PPM1L: variants seen among roughly 807,000 people sequenced by gnomAD.
PPM1L encodes the protein protein phosphatase 1L.
Under a neutral mutation model 31.4 loss-of-function variants are expected in PPM1L, and 13 were observed. That is an observed-to-expected ratio of 0.41 (90% CI 0.27 to 0.66). The LOEUF is 0.66. Among genes scored for constraint, PPM1L ranks in the 30% least tolerant of loss-of-function variants. PPM1L has a pLI of 0.29. For synonymous variants in PPM1L, 184 were observed against 175.4 expected, an observed-to-expected ratio of 1.05 and a Z score of -0.39; for missense variants, 326 against 453.7, an observed-to-expected ratio of 0.72 and a Z score of 2.56.
intron 1 of PPM1L, among the ~76,000 whole-genome samples, chr3:160,764,224 T>G (rs2108056601): frequency 6.6e-6 from 1 of 152,284 alleles, no homozygotes; most frequent in African/African-American, 2.4e-5. Flanking sequence ...CACAAACTCC[T>G]GGGCTCAGAT....
intron 1 of PPM1L, among the ~76,000 whole-genome samples, chr3:160,918,849 G>C (rs1714284001): frequency 6.6e-6 from 1 of 152,078 alleles, no homozygotes; most frequent in Non-Finnish European, 1.5e-5. Flanking sequence ...TGACAAGTTT[G>C]CTAATGATAA....
At chr3:160,795,729 C>T (rs891254633) in intron 1 of PPM1L, among the ~76,000 whole-genome samples, 5 of 152,148 alleles carry the variant, frequency 3.3e-5, no homozygotes, top group Non-Finnish European at 7.4e-5. Context: ...CATATTTACA[C>T]GTTAAGTACA....
At chr3:160,867,108 G>A (rs1312174764) in intron 1 of PPM1L, among the ~76,000 whole-genome samples, 2 of 152,080 alleles carry the variant, frequency 1.3e-5, no homozygotes, top group Non-Finnish European at 2.9e-5. Context: ...CCAAAGTGCT[G>A]GGAGCCTGTA....
At chr3:160,851,937 C>G (rs116331518) in intron 1 of PPM1L, among the ~76,000 whole-genome samples, 20 of 152,276 alleles carry the variant, frequency 1.3e-4, no homozygotes, top group African/African-American at 4.6e-4. Context: ...TTTTTGACGT[C>G]CTGTCGATTT....
chr3:161,063,601 G>T (rs982949137), intron 2 of PPM1L, among the ~76,000 whole-genome samples: 1 of 152,058 alleles, frequency 6.6e-6, no homozygotes, highest in Non-Finnish European at 1.5e-5. Context: ...CATTGTGGAA[G>T]ACAGTGTGGC....
intron 1 of PPM1L, among the ~76,000 whole-genome samples, chr3:160,907,658 G>A (rs767106160): frequency 6.6e-6 from 1 of 152,096 alleles, no homozygotes; most frequent in Non-Finnish European, 1.5e-5. Flanking sequence ...ATACTAAAGC[G>A]TGGCAGAGTT....
At position 160,786,127 on chromosome 3, in the gene PPM1L, TTCTCTCTCTCTC is replaced by T. The variant is rs147384969; in HGVS notation, c.399+29440_399+29451del. On this transcript the variant is annotated intron_variant, in intron 1 of 3. Coordinates refer to ENST00000498165, the MANE Select transcript of PPM1L (RefSeq NM_139245.4). ...GTTGGATAAAGATGGAATCTCATTT[TTCTCTCTCTCTC>T]TCTCTCTCTCTCTCTCTCTGTGTGT... 6.7e-5 allele frequency among the ~76,000 whole-genome samples: 7 copies of T among 103,978 alleles called. No homozygotes were observed. The Admixed American group carries it at 6.7e-4, about 10-fold the overall frequency. 68.2% of individuals were successfully genotyped at this position (103,978 alleles called of 152,430 possible).
intron 1 of PPM1L, among the ~76,000 whole-genome samples, chr3:160,919,130 T>C (rs551881057): frequency 1.3e-5 from 2 of 152,332 alleles, no homozygotes; most frequent in African/African-American, 4.8e-5. Flanking sequence ...ATTAATATTA[T>C]TTAGTTTTAG....
At chr3:160,781,662 A>T (rs1174187945) in intron 1 of PPM1L, among the ~76,000 whole-genome samples, 4 of 152,194 alleles carry the variant, frequency 2.6e-5, no homozygotes, top group Non-Finnish European at 5.9e-5. Flanking sequence ...AGGACCGGCA[A>T]CTTCTAGAAG....
chr3:160,960,108 A>G (rs185699737), intron 1 of PPM1L, among the ~76,000 whole-genome samples: 1 of 152,232 alleles, frequency 6.6e-6, no homozygotes, highest in East Asian at 1.9e-4. Flanking sequence ...ATACTACTCT[A>G]TAAATGAAAA....
At chr3:160,806,455 G>C (rs1021478743) in intron 1 of PPM1L, among the ~76,000 whole-genome samples, 1 of 152,058 alleles carries the variant, frequency 6.6e-6, no homozygotes, top group Admixed American at 6.5e-5. Flanking sequence ...GGGTCTGGAG[G>C]GCAGAGTCTG....
At chr3:160,969,943 T>A (rs1345848979) in intron 2 of PPM1L, among the ~76,000 whole-genome samples, 1 of 152,214 alleles carries the variant, frequency 6.6e-6, no homozygotes, top group Non-Finnish European at 1.5e-5. Context: ...TACCTAAACA[T>A]AATCAACATC....
intron 1 of PPM1L, among the ~76,000 whole-genome samples, chr3:160,776,339 G>A (rs987071847): frequency 2.6e-5 from 4 of 152,244 alleles, no homozygotes; most frequent in African/African-American, 9.6e-5. Flanking sequence ...GTGTGTGTAT[G>A]TGTGTTTACT....
intron 2 of PPM1L, among the ~76,000 whole-genome samples, chr3:160,975,615 A>G (rs1400191703): frequency 4.0e-5 from 6 of 151,836 alleles, no homozygotes; most frequent in Admixed American, 3.3e-4. Flanking sequence ...ATTCCTAGGT[A>G]TTTTATTCTC....
intron 1 of PPM1L, among the ~76,000 whole-genome samples, chr3:160,823,097 T>C (rs1447190274): frequency 6.6e-6 from 1 of 152,098 alleles, no homozygotes; most frequent in Non-Finnish European, 1.5e-5. Context: ...CTGCTTTACA[T>C]AAATTATTAT....
At chr3:160,814,228 G>A (rs1026365677) in intron 1 of PPM1L, among the ~76,000 whole-genome samples, 1 of 152,094 alleles carries the variant, frequency 6.6e-6, no homozygotes, top group African/African-American at 2.4e-5. Flanking sequence ...TATCTGGACA[G>A]CTGGGTCCTG....
intron 2 of PPM1L, among the ~76,000 whole-genome samples, chr3:160,970,909 GC>G (rs1716318486): frequency 6.7e-6 from 1 of 149,990 alleles, no homozygotes; most frequent in Admixed American, 6.7e-5. Flanking sequence ...TCCTGCCTCA[GC>G]CTCCCGAGTA....
intron 2 of PPM1L, among the ~76,000 whole-genome samples, chr3:161,012,073 A>G (rs533341158): frequency 6.6e-6 from 1 of 152,304 alleles, no homozygotes; most frequent in South Asian, 2.1e-4. Context: ...GAGTGGTGAG[A>G]GAGGGCATCT....
At chr3:160,983,026 TA>T (rs1716853180) in intron 2 of PPM1L, among the ~76,000 whole-genome samples, 1 of 152,244 alleles carries the variant, frequency 6.6e-6, no homozygotes, top group Admixed American at 6.5e-5. Context: ...AATCTGAGAT[TA>T]AGCATTAAAG....
Sources: gnomAD v4.1 joint callset for allele counts (sites outside exome capture counted in the v4.1 genomes callset) on GRCh38, gnomAD v4.1.1 for gene constraint, MANE v1.5 for transcripts, NCBI Gene and HGNC (gene_info 2026-07-23, HGNC 2026-07-21) for gene names.